The following HDAC9 variants were observed in gnomAD, a reference collection of about 807,000 sequenced individuals.
The protein encoded by HDAC9 is MEF-2 interacting transcription repressor (MITR) protein.
Under a neutral mutation model 139.4 loss-of-function variants are expected in HDAC9, and 41 were observed. The observed-to-expected ratio is 0.29, with a 90% CI of 0.23 to 0.38. HDAC9 has a LOEUF of 0.38. HDAC9 is among the 10% of genes least tolerant of loss of function. HDAC9 has a pLI of 1.00. For synonymous variants in HDAC9, 517 were observed against 476.2 expected (o/e 1.09, Z -1.12); for missense variants, 1,147 against 1,297.0 (o/e 0.88, Z 1.78).
At chr7:18,525,751 A>T (rs1422638554) in intron 2 of HDAC9, among the ~76,000 whole-genome samples, 1 of 152,198 alleles carries the variant, frequency 6.6e-6, no homozygotes, top group Non-Finnish European at 1.5e-5. Flanking sequence ...AACTAAGTCT[A>T]GTCTTTCAGA....
intron 1 of HDAC9, among the ~76,000 whole-genome samples, chr7:18,332,410 AG>A (rs201118359): frequency 0.19 from 28,546 of 150,438 alleles, 2,831 homozygotes; most frequent in Non-Finnish European, 0.21. Flanking sequence ...AGAGAGAGAG[AG>A]ATTTTTACTT....
intron 1 of HDAC9, among the ~76,000 whole-genome samples, chr7:18,299,219 GA>G (rs928133559): frequency 8.1e-5 from 11 of 135,092 alleles, no homozygotes; most frequent in Non-Finnish European, 1.6e-5. Context: ...CAACTCTTAA[GA>G]TTTTTTTTTT....
At chr7:18,207,094 T>C (rs1417131848) in intron 2 of HDAC9, among the ~76,000 whole-genome samples, 1 of 151,946 alleles carries the variant, frequency 6.6e-6, no homozygotes, top group East Asian at 1.9e-4. Context: ...TTTGTTTGTT[T>C]GGTTTGTTTT....
intron 13 of HDAC9, among the ~76,000 whole-genome samples, chr7:18,739,270 G>C (rs1053450299): frequency 6.6e-6 from 1 of 152,176 alleles, no homozygotes; most frequent in Non-Finnish European, 1.5e-5. Context: ...TTGTCAACTT[G>C]ACAAATCATT....
intron 1 of HDAC9, among the ~76,000 whole-genome samples, chr7:18,416,211 G>C (rs1041306909): frequency 2.0e-5 from 3 of 151,978 alleles, no homozygotes; most frequent in Admixed American, 1.3e-4. Flanking sequence ...CAGGAAAATC[G>C]CTTGAACCCG....
intron 2 of HDAC9, among the ~76,000 whole-genome samples, chr7:18,248,341 C>G (rs1048986706): frequency 1.3e-5 from 2 of 152,084 alleles, no homozygotes; most frequent in African/African-American, 4.8e-5. Flanking sequence ...CCTGAACAAC[C>G]ATCATACTAG....
chr7:18,816,763 A>G (rs951911919), intron 17 of HDAC9, among the ~76,000 whole-genome samples: 1 of 152,212 alleles, frequency 6.6e-6, no homozygotes, highest in Admixed American at 6.5e-5. Flanking sequence ...TTAACGTACC[A>G]GTGACTTCAA....
At chr7:18,786,957 G>A (rs575939739) in intron 16 of HDAC9, among the ~76,000 whole-genome samples, 2 of 151,734 alleles carry the variant, frequency 1.3e-5, no homozygotes, top group South Asian at 2.1e-4. Context: ...GATTCTATGA[G>A]GTTTATAGAG....
intron 2 of HDAC9, among the ~76,000 whole-genome samples, chr7:18,170,176 A>G (rs1015781902): frequency 6.6e-6 from 1 of 152,104 alleles, no homozygotes; most frequent in African/African-American, 2.4e-5. Context: ...ATGGTATCTC[A>G]TTGTGGTTTT....
intron 1 of HDAC9, among the ~76,000 whole-genome samples, chr7:18,308,651 A>G (rs1172611336): frequency 6.6e-6 from 1 of 152,198 alleles, no homozygotes; most frequent in East Asian, 1.9e-4. Flanking sequence ...CTTGTGTCAG[A>G]TTTATAACAA....
At chr7:18,729,928 A>G (rs777522378) in intron 13 of HDAC9, among the ~76,000 whole-genome samples, 15 of 152,318 alleles carry the variant, frequency 9.8e-5, no homozygotes, top group Non-Finnish European at 1.9e-4. Context: ...ACTAGTTCAA[A>G]TTTGAATACA....
At chr7:18,705,047 A>G (rs1390423318) in intron 12 of HDAC9, among the ~76,000 whole-genome samples, 2 of 152,202 alleles carry the variant, frequency 1.3e-5, no homozygotes, top group East Asian at 3.9e-4. Context: ...ATTTTCAATA[A>G]TATATGATTT....
intron 21 of HDAC9, among the ~76,000 whole-genome samples, chr7:18,851,784 C>T (rs1032272369): frequency 1.3e-5 from 2 of 152,164 alleles, no homozygotes; most frequent in African/African-American, 4.8e-5. Flanking sequence ...CTAATTATTC[C>T]TGTCTTGTAA....
At chr7:18,867,381 A>C (rs372313365) in intron 21 of HDAC9, among the ~76,000 whole-genome samples, 1 of 152,186 alleles carries the variant, frequency 6.6e-6, no homozygotes, top group East Asian at 1.9e-4. Flanking sequence ...CTTGCTTTGC[A>C]AAAGTACATT....
At chr7:18,281,809 A>AATCCCTTTTCTTCTTTTT (rs1311493334) in intron 2 of HDAC9, among the ~76,000 whole-genome samples, 1 of 152,204 alleles carries the variant, frequency 6.6e-6, no homozygotes, top group Non-Finnish European at 1.5e-5. Context: ...TCCTGAATAA[A>AATCCCTTTTCTTCTTTTT]ATCCCTTTTC....
At chr7:18,791,284 T>A (rs1335257110) in intron 16 of HDAC9, among the ~76,000 whole-genome samples, 3 of 152,212 alleles carry the variant, frequency 2.0e-5, no homozygotes, top group Non-Finnish European at 4.4e-5. Context: ...CGAATACATC[T>A]TTTGGAATTT....
intron 2 of HDAC9, among the ~76,000 whole-genome samples, chr7:18,257,438 A>ACACACACACACACACACACAC (rs1562802142): frequency 8.3e-5 from 11 of 132,498 alleles, no homozygotes; most frequent in African/African-American, 2.8e-4. Flanking sequence ...CACACACACA[A>ACACACACACACACACACACAC]AAAGAAAAAA....
In HDAC9 at chr7:18,726,471, T is replaced by A. The variant is rs147119899; in HGVS notation, c.1732-1109T>A. Among the ~76,000 whole-genome samples, 118 of 152,236 alleles carry A rather than the reference T, an allele frequency of 7.8e-4. No homozygotes were observed. In the East Asian group the frequency reaches 0.019, roughly 24 times the overall value. ...AGCAGAAGCAGAAGAGCACACACATTTATAAAATTACTAGAATTAGACGTT... is the reference window on the plus strand; with the variant it reads ...AGCAGAAGCAGAAGAGCACACACATATATAAAATTACTAGAATTAGACGTT... On this transcript the variant is annotated intron_variant, in intron 12 of 25. Coordinates refer to ENST00000686413, the MANE Select transcript of HDAC9 (RefSeq NM_178425.4).
rs536982212 is a variant in HDAC9 at position 18,732,884 on chromosome 7, C to T, written c.1909+5127C>T. Among the ~76,000 whole-genome samples, 135 of 73,732 alleles carry T rather than the reference C, an allele frequency of 1.8e-3. 27 individuals are homozygous for T. Among genetic ancestry groups the T allele is most frequent in the African/African-American group, 0.011 (116 of 10,862 alleles). 48.4% of individuals were successfully genotyped at this position (73,732 alleles called of 152,430 possible). On this transcript the variant is annotated intron_variant, in intron 13 of 25. Coordinates refer to ENST00000686413, the MANE Select transcript of HDAC9 (RefSeq NM_178425.4). ...GCGTATGTGTACACACACACGTGTG[C>T]GTATGTGTACACACACACGTGTGCG... is the stretch of plus-strand genomic sequence containing the variant.
Sources: gnomAD v4.1 joint callset for allele counts (sites outside exome capture counted in the v4.1 genomes callset) on GRCh38, gnomAD v4.1.1 for gene constraint, MANE v1.5 for transcripts, NCBI Gene and HGNC (gene_info 2026-07-23, HGNC 2026-07-21) for gene names.